Variants in RIT2 observed in about 807,000 individuals in gnomAD.
The protein encoded by RIT2 is GTP-binding protein Rit2.
A neutral mutation model predicts 23.7 loss-of-function variants in RIT2; 24 were observed. The observed-to-expected ratio is 1.01, with a 90% confidence interval of 0.73 to 1.43. RIT2 has a LOEUF of 1.43. Ranked by LOEUF, RIT2 falls within the 40% of genes most tolerant of loss-of-function variation. RIT2 has a pLI of 0.00. For missense variants in RIT2, 236 were observed against 266.9 expected, an observed-to-expected ratio of 0.88 and a Z score of 0.81; for synonymous variants, 107 against 91.1, an observed-to-expected ratio of 1.17 and a Z score of -0.99.
chr18:42,979,277 T>A (rs904352776), intron 2 of RIT2, among the ~76,000 whole-genome samples: 4 of 152,166 alleles, frequency 2.6e-5, no homozygotes, highest in Admixed American at 2.0e-4. Flanking sequence ...AAAATTAGGA[T>A]AATATAAGAC....
chr18:42,867,357 T>C (rs1223825357), intron 4 of RIT2, among the ~76,000 whole-genome samples: 1 of 152,056 alleles, frequency 6.6e-6, no homozygotes, highest in Non-Finnish European at 1.5e-5. Context: ...TATGTTTCTA[T>C]CAAACTCCAA....
intron 2 of RIT2, among the ~76,000 whole-genome samples, chr18:42,997,717 T>A (rs1160528370): frequency 6.6e-6 from 1 of 151,926 alleles, no homozygotes; most frequent in Non-Finnish European, 1.5e-5. Context: ...CATACTACAA[T>A]GTAAAGGAAG....
intron 4 of RIT2, among the ~76,000 whole-genome samples, chr18:42,795,007 T>C (rs556412115): frequency 3.7e-4 from 56 of 151,406 alleles, no homozygotes; most frequent in Middle Eastern, 6.8e-3. Context: ...AATGTTTTTC[T>C]TTTTTTGAAA....
chr18:42,812,835 T>G (rs182596003), intron 4 of RIT2, among the ~76,000 whole-genome samples: 1 of 152,346 alleles, frequency 6.6e-6, no homozygotes, highest in East Asian at 1.9e-4. Context: ...AAAAAAGCCC[T>G]TCATAAGCTT....
chr18:42,909,723 C>T (rs935702410), intron 4 of RIT2, among the ~76,000 whole-genome samples: 3 of 151,650 alleles, frequency 2.0e-5, no homozygotes, highest in Non-Finnish European at 4.4e-5. Context: ...AATCAAATCA[C>T]CCTAATACAA....
chr18:42,901,962 A>T (rs1908487329), intron 4 of RIT2, among the ~76,000 whole-genome samples: 1 of 151,970 alleles, frequency 6.6e-6, no homozygotes, highest in African/African-American at 2.4e-5. Flanking sequence ...TTGAATGAAG[A>T]TGCAGATATA....
chr18:43,103,891 A>T (rs1835480192), intron 1 of RIT2, among the ~76,000 whole-genome samples: 1 of 152,126 alleles, frequency 6.6e-6, no homozygotes, highest in Non-Finnish European at 1.5e-5. Context: ...TAAGAGTGGG[A>T]TATGGGGGTT....
intron 3 of RIT2, among the ~76,000 whole-genome samples, chr18:42,940,699 A>G (rs572908204): frequency 6.6e-6 from 1 of 152,306 alleles, no homozygotes; most frequent in South Asian, 2.1e-4. Flanking sequence ...GAATAGTATT[A>G]AAAGGCATCA....
At chr18:42,922,992 T>C (rs1909090461) in intron 4 of RIT2, among the ~76,000 whole-genome samples, 2 of 152,216 alleles carry the variant, frequency 1.3e-5, no homozygotes, top group East Asian at 1.9e-4. Context: ...ACAATTTCAT[T>C]TTATTTGCCA....
chr18:43,054,585 C>T (rs1361073995), intron 1 of RIT2, among the ~76,000 whole-genome samples: 2 of 151,760 alleles, frequency 1.3e-5, no homozygotes, highest in African/African-American at 2.4e-5. Flanking sequence ...GAAAGACAGA[C>T]TTAGGATACG....
intron 4 of RIT2, among the ~76,000 whole-genome samples, chr18:42,908,476 A>G (rs1908681715): frequency 6.6e-6 from 1 of 152,180 alleles, no homozygotes; most frequent in South Asian, 2.1e-4. Context: ...TAAACCTAAA[A>G]CTACACCAAT....
intron 4 of RIT2, among the ~76,000 whole-genome samples, chr18:42,832,811 G>A (rs1353188598): frequency 1.3e-5 from 2 of 151,978 alleles, no homozygotes; most frequent in Non-Finnish European, 2.9e-5. Flanking sequence ...CCAGCACTTT[G>A]GGAGGCTGAG....
chr18:43,030,458 G>A (rs1911827617), intron 2 of RIT2, among the ~76,000 whole-genome samples: 1 of 152,010 alleles, frequency 6.6e-6, no homozygotes, highest in Non-Finnish European at 1.5e-5. Context: ...TGTGGAAGCT[G>A]AAGACATAAA....
At chr18:42,915,450 G>A (rs1249497993) in intron 4 of RIT2, among the ~76,000 whole-genome samples, 3 of 152,000 alleles carry the variant, frequency 2.0e-5, no homozygotes, top group South Asian at 4.1e-4. Flanking sequence ...TCAAGGAACC[G>A]ATCCAATTCC....
chr18:42,935,010 A>T (rs938217211), intron 3 of RIT2, among the ~76,000 whole-genome samples: 1 of 152,214 alleles, frequency 6.6e-6, no homozygotes, highest in Admixed American at 6.5e-5. Flanking sequence ...GTCCTAATGA[A>T]GTCTTGGGAA....
intron 1 of RIT2, among the ~76,000 whole-genome samples, chr18:43,073,873 T>A (rs1264637374): frequency 6.6e-6 from 1 of 152,152 alleles, no homozygotes; most frequent in Non-Finnish European, 1.5e-5. Flanking sequence ...GAATGTCTCA[T>A]GGAAGAGGTA....
At chr18:42,788,957 T>C (rs2143942914) in intron 4 of RIT2, among the ~76,000 whole-genome samples, 1 of 152,340 alleles carries the variant, frequency 6.6e-6, no homozygotes. Context: ...CAGAATATTA[T>C]AGAGCTATGT....
intron 4 of RIT2, among the ~76,000 whole-genome samples, chr18:42,888,810 C>G (rs1361389754): frequency 1.3e-5 from 2 of 152,052 alleles, no homozygotes; most frequent in Non-Finnish European, 2.9e-5. Flanking sequence ...AAGGCAGGAA[C>G]AGGAAACCAA....
intron 2 of RIT2, among the ~76,000 whole-genome samples, chr18:42,984,987 C>T (rs1338458033): frequency 6.6e-6 from 1 of 151,702 alleles, no homozygotes; most frequent in Non-Finnish European, 1.5e-5. Context: ...GAAAAAAATG[C>T]CTCTATTCAT....
Sources: allele counts gnomAD v4.1 joint callset (sites outside exome capture counted in the v4.1 genomes callset), GRCh38; gene constraint gnomAD v4.1.1; transcripts MANE v1.5; gene names NCBI Gene and HGNC (gene_info 2026-07-23, HGNC 2026-07-21).